ZGRF1: variants seen among roughly 807,000 people sequenced by gnomAD.
The protein encoded by ZGRF1 is 5'-3' DNA helicase ZGRF1.
In ZGRF1, 196 loss-of-function variants were observed where a neutral mutation model predicts 203.5. That is an observed-to-expected ratio of 0.96 (90% CI 0.86 to 1.08). The LOEUF (loss-of-function observed/expected upper bound fraction) is 1.08, where lower values mean the gene tolerates loss of function less well. ZGRF1 is among the 50% of genes least tolerant of loss of function. The probability of loss-of-function intolerance (pLI) is 0.00; values close to 1 mark genes in which losing one functional copy is unlikely to be tolerated. For synonymous variants in ZGRF1, 809 were observed against 841.3 expected (o/e 0.96, Z 0.66); for missense variants, 2,326 against 2,416.3 (o/e 0.96, Z 0.78).
chr4:112,558,337 A>T, intron 19 of ZGRF1, 28 bp from the exon 20 acceptor site: 1 of 1,448,570 alleles, frequency 6.9e-7, no homozygotes, highest in Non-Finnish European at 9.1e-7. Context: ...AGAAAAAAAT[A>T]AAAAGCATAA....
rs1741303203 is a variant in ZGRF1 at position 112,558,202 on chromosome 4, T to C, written c.5068A>G (p.Lys1690Glu). 6.2e-7 allele frequency: 1 copy of C among 1,609,358 alleles called. No individual in the cohort carries two copies. The highest frequency in any genetic ancestry group is 8.5e-7 in the Non-Finnish European group (1 of 1,178,280). ...APTIGNARPW[K>E]LLISSSTNVA... Reference sequence around the variant, plus strand: ...TTAGTAGAAGAAGAAATCAGAAGTTTCCACGGCCTTGCATTTCCAATGGTG... The same window carrying C: ...TTAGTAGAAGAAGAAATCAGAAGTTCCCACGGCCTTGCATTTCCAATGGTG... The change falls in exon 20 of 28, where the codon AAA becomes GAA. Residue 1690 changes from lysine (K) to glutamate (E), a missense_variant. Transcript: ENST00000505019.
chr4:112,613,320 T>C (rs2046756732), intron 6 of ZGRF1, among the ~76,000 whole-genome samples: 1 of 152,096 alleles, frequency 6.6e-6, no homozygotes, highest in South Asian at 2.1e-4. Context: ...CAGCACTTCA[T>C]GCTATTTCTA....
chr4:112,585,666 C>G lies in ZGRF1; in HGVS notation c.3976G>C (p.Val1326Leu). Residue 1326 changes from valine (V) to leucine (L), a missense_variant, in exon 14 of 28, where the codon GTT becomes CTT. Coordinates refer to ENST00000505019, the MANE Select transcript of ZGRF1 (RefSeq NM_018392.5). ...AQNLQKALSK[V>L]DISFYTSLKG... ...AATGATGTATAAAATGATATGTCAA[C>G]TTTTGAAAGAGCTTTCTGCAGGTTT... is the stretch of plus-strand genomic sequence containing the variant. 6.2e-7 allele frequency: 1 copy of G among 1,602,492 alleles called. No individual in the cohort carries two copies. Among genetic ancestry groups the G allele is most frequent in the South Asian group, 1.1e-5 (1 of 89,870 alleles).
At chr4:112,595,062 TG>T (rs1677226912) in intron 10 of ZGRF1, among the ~76,000 whole-genome samples, 1 of 151,884 alleles carries the variant, frequency 6.6e-6, no homozygotes, top group African/African-American at 2.4e-5. Flanking sequence ...GCCAACATGG[TG>T]AAACCCCATC....
chr4:112,616,060 C>T (rs1408617981), intron 6 of ZGRF1, among the ~76,000 whole-genome samples: 2 of 152,146 alleles, frequency 1.3e-5, no homozygotes, highest in African/African-American at 2.4e-5. Context: ...ATGAGATACT[C>T]AAAAGTTCAA....
intron 16 of ZGRF1, among the ~76,000 whole-genome samples, chr4:112,573,304 G>C (rs1462064296): frequency 6.6e-6 from 1 of 151,952 alleles, no homozygotes; most frequent in Non-Finnish European, 1.5e-5. Context: ...CTCAGGAATG[G>C]AAAAATCAAA....
At chr4:112,543,225 T>G (rs535363307) in intron 24 of ZGRF1, among the ~76,000 whole-genome samples, 2 of 152,174 alleles carry the variant, frequency 1.3e-5, no homozygotes, top group African/African-American at 4.8e-5. Context: ...AAGATCCCCC[T>G]TCATTGCTTT....
chr4:112,565,815 T>C (rs1302114351), intron 16 of ZGRF1, among the ~76,000 whole-genome samples: 1 of 152,128 alleles, frequency 6.6e-6, no homozygotes, highest in Admixed American at 6.5e-5. Flanking sequence ...TCACACCAGT[T>C]AGAATGGCAG....
chr4:112,589,708 A>G lies in ZGRF1; in HGVS notation c.3127+16T>C, dbSNP rs375745292. The G allele has an allele frequency of 1.9e-6, 3 of 1,609,838 alleles. No homozygotes were observed. The highest frequency in any genetic ancestry group is 1.1e-5 in the South Asian group (1 of 90,962). On this transcript the variant is annotated intron_variant, in intron 11 of 27. Coordinates refer to ENST00000505019, the MANE Select transcript of ZGRF1 (RefSeq NM_018392.5). ...AAATGAATAGACAGATATTAGAGCAATGTGGTAACGACTACCCTCCAAGTT... is the reference window on the plus strand; with the variant it reads ...AAATGAATAGACAGATATTAGAGCAGTGTGGTAACGACTACCCTCCAAGTT...
In ZGRF1 at chr4:112,560,651, A is replaced by C. The variant is rs1285418681; in HGVS notation, c.4960+82T>G. ...AGTTATTCTTGAACCTCATTTGACT[A>C]GGAAATTATAAAGGAGCAGACTGAG... On this transcript the variant is annotated intron_variant, in intron 19 of 27. Transcript: ENST00000505019. 4 of 1,197,022 alleles carry C rather than the reference A, an allele frequency of 3.3e-6. No homozygotes were observed. In the African/African-American group the frequency reaches 6.1e-5, roughly 18 times the overall value. 74.2% of individuals were successfully genotyped at this position (1,197,022 alleles called of 1,614,324 possible). A position where few individuals can be genotyped will look rare whatever the true frequency, so the allele number is the denominator to read the frequency against.
At chr4:112,594,950 T>G (rs1445314237) in intron 10 of ZGRF1, among the ~76,000 whole-genome samples, 1 of 152,090 alleles carries the variant, frequency 6.6e-6, no homozygotes, top group Non-Finnish European at 1.5e-5. Flanking sequence ...TAACAAAAAT[T>G]ACTCCACAGG....
chr4:112,560,935 G>C lies in ZGRF1; in HGVS notation c.4758C>G (p.Ala1586=). 6.2e-7 allele frequency: 1 copy of C among 1,612,268 alleles called. No individual in the cohort carries two copies. The highest frequency in any genetic ancestry group is 1.1e-5 in the South Asian group (1 of 90,986). ...CAAATTTTGTACTGACATTTGTGAAGGCTGGTGGGATAAATTTTCTCTTAC... is the reference window on the plus strand; with the variant it reads ...CAAATTTTGTACTGACATTTGTGAACGCTGGTGGGATAAATTTTCTCTTAC... The part of the protein sequence containing the change: ...RVSKRKFIPP[A]FTNVSTKFEL... The change falls in exon 19 of 28, where the codon GCC becomes GCG. Residue 1586 remains alanine (A), a synonymous_variant. Coordinates refer to ENST00000505019, the MANE Select transcript of ZGRF1 (RefSeq NM_018392.5).
At chr4:112,542,588 TTTTTG>T (rs1452051640) in intron 24 of ZGRF1, among the ~76,000 whole-genome samples, 1 of 151,962 alleles carries the variant, frequency 6.6e-6, no homozygotes, top group Non-Finnish European at 1.5e-5. Flanking sequence ...ATTACAGATG[TTTTTG>T]TTTTGTTTTT....
chr4:112,543,117 T>C (rs1171086907), intron 24 of ZGRF1, among the ~76,000 whole-genome samples: 1 of 152,226 alleles, frequency 6.6e-6, no homozygotes, highest in East Asian at 1.9e-4. Context: ...AACAATATTA[T>C]ATCCATGAAC....
intron 6 of ZGRF1, 113 bp from the exon 7 acceptor site, chr4:112,612,701 A>T: frequency 3.3e-6 from 2 of 614,806 alleles, no homozygotes; most frequent in South Asian, 2.2e-5. Flanking sequence ...AAGATCAGAC[A>T]ATCTTGGTAA....
rs61743460 is a variant in ZGRF1, at chr4:112,619,612, T to C, written c.430A>G (p.Lys144Glu). Reference protein sequence around the residue: ...SGESAASHEAKKTGPTIFSPF... With the variant: ...SGESAASHEAEKTGPTIFSPF... ...GAAAAAATAGTAGGGCCAGTTTTCT[T>C]AGCCTCATGTGATGCAGCTGATTCA... is the stretch of plus-strand genomic sequence containing the variant. Residue 144 changes from lysine (K) to glutamate (E), a missense_variant, in exon 6 of 28, where the codon AAG becomes GAG. Physicochemically the swap from Lys to Glu is moderately conservative, Grantham distance 56. Coordinates refer to ENST00000505019, the MANE Select transcript of ZGRF1 (RefSeq NM_018392.5). 230 of 1,614,042 alleles carry C rather than the reference T, an allele frequency of 1.4e-4. No homozygotes were observed. In the African/African-American group the frequency reaches 2.7e-3, roughly 19 times the overall value.
Position 112,541,259 on chromosome 4 carries a change from G to T in ZGRF1, c.5608C>A (p.Pro1870Thr). The T allele has an allele frequency of 2.0e-6, 3 of 1,533,350 alleles. No homozygotes were observed. Among genetic ancestry groups the T allele is most frequent in the Non-Finnish European group, 2.6e-6 (3 of 1,132,384 alleles). The allele number at this position is 1,533,350 out of a possible 1,614,324, so 95.0% of individuals were successfully genotyped here. ...CGGTATTGAGTTCTCAATAGAATTG[G>T]CTTGTGACCCTAAGAAATTTAAATG... is the stretch of plus-strand genomic sequence containing the variant. ...FDRLCLMGHK[P>T]ILLRTQYRCH... is the part of the protein sequence containing the mutation. Residue 1870 changes from proline to threonine, a missense_variant, in exon 25 of 28, where the codon CCA becomes ACA. Transcript: ENST00000505019.
Position 112,619,568 on chromosome 4 carries a change from A to G in ZGRF1, c.474T>C (p.Pro158=). Residue 158 remains proline, a synonymous_variant, in exon 6 of 28, where the codon CCT becomes CCC. Coordinates refer to ENST00000505019, the MANE Select transcript of ZGRF1 (RefSeq NM_018392.5). ...TCTTGCCAACAGTAGGAAACAAAGG[A>G]GGCATGCTGCAGAATGGAGAAAAAA... ...PTIFSPFCSM[P]PLFPTVGKKD... is the part of the protein sequence containing the mutation. 1 of 1,614,118 alleles carries G rather than the reference A, an allele frequency of 6.2e-7. No individual in the cohort carries two copies. The highest frequency in any genetic ancestry group is 8.5e-7 in the Non-Finnish European group (1 of 1,179,982).
intron 18 of ZGRF1, 91 bp downstream of exon 18, chr4:112,562,279 AC>A (rs878886928): frequency 1.4e-6 from 1 of 704,634 alleles, no homozygotes; most frequent in South Asian, 1.7e-5. Context: ...TTTATTGGCA[AC>A]ATTTATATAC....
Sources: gnomAD v4.1 joint callset for allele counts (sites outside exome capture counted in the v4.1 genomes callset) on GRCh38, gnomAD v4.1.1 for gene constraint, MANE v1.5 for transcripts, NCBI Gene and HGNC (gene_info 2026-07-23, HGNC 2026-07-21) for gene names.